The following SRBD1 variants were observed in gnomAD, a reference collection of about 807,000 sequenced individuals.
SRBD1 encodes S1 RNA binding domain 1.
Under a neutral mutation model 115.3 loss-of-function variants are expected in SRBD1, and 88 were observed. The observed-to-expected ratio is 0.76, with a 90% CI of 0.64 to 0.91. SRBD1 has a LOEUF of 0.91. SRBD1 is among the 40% of genes least tolerant of loss of function. The pLI is 0.00. For synonymous variants in SRBD1, 509 were observed against 407.7 expected (o/e 1.25, Z -2.99); for missense variants, 1,385 against 1,177.4 (o/e 1.18, Z -2.58).
At chr2:45,530,612 AAAG>A (rs1328411706) in intron 14 of SRBD1, among the ~76,000 whole-genome samples, 6 of 152,062 alleles carry the variant, frequency 3.9e-5, no homozygotes, top group African/African-American at 1.2e-4. Context: ...CCTATATATG[AAAG>A]AAGATGCTAT....
chr2:45,562,590 A>T (rs1672702882), intron 10 of SRBD1, 63 bp downstream of exon 10: 15 of 1,284,366 alleles, frequency 1.2e-5, no homozygotes, highest in Middle Eastern at 1.9e-4. Flanking sequence ...CAGTACATAT[A>T]GATATCGGTA....
intron 14 of SRBD1, among the ~76,000 whole-genome samples, chr2:45,507,291 G>A (rs1268471219): frequency 1.3e-5 from 2 of 152,012 alleles, no homozygotes; most frequent in Non-Finnish European, 2.9e-5. Context: ...TCAATCCACA[G>A]AAAAGCAAGC....
chr2:45,480,952 G>C (rs534572060), intron 15 of SRBD1, among the ~76,000 whole-genome samples: 1 of 152,288 alleles, frequency 6.6e-6, no homozygotes, highest in Admixed American at 6.5e-5. Context: ...TGATACAGCA[G>C]ACTACTTCAT....
chr2:45,416,513 T>C (rs1308742301), intron 18 of SRBD1, among the ~76,000 whole-genome samples: 2 of 152,088 alleles, frequency 1.3e-5, no homozygotes, highest in African/African-American at 4.8e-5. Context: ...GCAGACAATA[T>C]AAAGAATAAA....
intron 17 of SRBD1, among the ~76,000 whole-genome samples, chr2:45,419,441 G>A (rs1234245223): frequency 6.6e-6 from 1 of 152,214 alleles, no homozygotes; most frequent in South Asian, 2.1e-4. Context: ...AGGTTTGACA[G>A]ATGCATGCAA....
intron 14 of SRBD1, among the ~76,000 whole-genome samples, chr2:45,520,584 A>AC (rs1411875050): frequency 6.6e-6 from 1 of 152,188 alleles, no homozygotes; most frequent in Non-Finnish European, 1.5e-5. Context: ...CTTTTGGCCC[A>AC]CCATGCCTTC....
intron 16 of SRBD1, among the ~76,000 whole-genome samples, chr2:45,432,103 C>T (rs568398140): frequency 5.3e-5 from 8 of 151,898 alleles, no homozygotes; most frequent in Non-Finnish European, 1.2e-4. Flanking sequence ...GATCTTGGCT[C>T]ACAACAACCT....
intron 10 of SRBD1, among the ~76,000 whole-genome samples, chr2:45,560,439 T>C (rs1249290373): frequency 6.6e-6 from 1 of 152,248 alleles, no homozygotes; most frequent in Non-Finnish European, 1.5e-5. Flanking sequence ...ATAATCCCAC[T>C]ACTTTGTAAT....
At chr2:45,464,485 G>A (rs1169856180) in intron 16 of SRBD1, among the ~76,000 whole-genome samples, 1 of 152,150 alleles carries the variant, frequency 6.6e-6, no homozygotes, top group Non-Finnish European at 1.5e-5. Context: ...ACAAGTAACA[G>A]CCCTCATAAA....
intron 17 of SRBD1, among the ~76,000 whole-genome samples, chr2:45,419,390 C>T (rs1667930752): frequency 6.6e-6 from 1 of 152,068 alleles, no homozygotes; most frequent in African/African-American, 2.4e-5. Context: ...AATATGGTAA[C>T]CATACCTTGA....
chr2:45,472,211 T>C (rs1421236463), intron 16 of SRBD1, among the ~76,000 whole-genome samples: 1 of 152,126 alleles, frequency 6.6e-6, no homozygotes, highest in East Asian at 1.9e-4. Flanking sequence ...TCTGAAAACA[T>C]TATAAGTGAA....
At chr2:45,406,030 T>C (rs1291541670) in intron 19 of SRBD1, among the ~76,000 whole-genome samples, 2 of 152,038 alleles carry the variant, frequency 1.3e-5, no homozygotes, top group Non-Finnish European at 2.9e-5. Context: ...GTGAAGACAT[T>C]AAAGATACAA....
At chr2:45,494,612 T>G (rs899435823) in intron 14 of SRBD1, among the ~76,000 whole-genome samples, 4 of 152,202 alleles carry the variant, frequency 2.6e-5, no homozygotes, top group Non-Finnish European at 5.9e-5. Flanking sequence ...AAATACAAAT[T>G]ATACATCCTT....
At chr2:45,476,926 T>C in intron 16 of SRBD1, 67 bp downstream of exon 16, 2 of 1,414,562 alleles carry the variant, frequency 1.4e-6, no homozygotes, top group South Asian at 1.2e-5. Context: ...TTAATTACTA[T>C]CCCAGGTTTG....
At chr2:45,604,198 A>T (rs1359420514) in intron 2 of SRBD1, among the ~76,000 whole-genome samples, 2 of 152,114 alleles carry the variant, frequency 1.3e-5, no homozygotes, top group Non-Finnish European at 2.9e-5. Context: ...AAGAAACCAG[A>T]ATATTTTACA....
chr2:45,393,913 C>A (rs938329565), intron 19 of SRBD1, among the ~76,000 whole-genome samples: 37 of 152,118 alleles, frequency 2.4e-4, no homozygotes, highest in African/African-American at 8.9e-4. Flanking sequence ...TTCTGTATAC[C>A]CTTGATGGCA....
chr2:45,523,359 AAAG>A (rs1415643070), intron 14 of SRBD1, among the ~76,000 whole-genome samples: 3 of 151,610 alleles, frequency 2.0e-5, no homozygotes, highest in Admixed American at 1.3e-4. Context: ...TTAATAAAAC[AAAG>A]AAGAGAAAAA....
chr2:45,476,757 G>T (rs968419211), intron 16 of SRBD1, among the ~76,000 whole-genome samples: 3 of 152,172 alleles, frequency 2.0e-5, no homozygotes, highest in Non-Finnish European at 4.4e-5. Context: ...TGTTTTCATA[G>T]TCTTTCAATC....
intron 14 of SRBD1, among the ~76,000 whole-genome samples, chr2:45,507,571 A>C (rs1397690619): frequency 1.3e-5 from 2 of 151,914 alleles, no homozygotes; most frequent in Non-Finnish European, 2.9e-5. Context: ...AATACAAAAA[A>C]TTAGCCCGGC....
Sources: allele counts gnomAD v4.1 joint callset (sites outside exome capture counted in the v4.1 genomes callset), GRCh38; gene constraint gnomAD v4.1.1; transcripts MANE v1.5; gene names NCBI Gene and HGNC (gene_info 2026-07-23, HGNC 2026-07-21).